ZSWIM2: variants seen among roughly 807,000 people sequenced by gnomAD.
The protein encoded by ZSWIM2 is zinc finger SWIM-type containing 2.
In ZSWIM2, 38 loss-of-function variants were observed where a neutral mutation model predicts 48.4. The observed-to-expected ratio is 0.79, with a 90% CI of 0.61 to 1.03. The LOEUF (loss-of-function observed/expected upper bound fraction) is 1.03. Among genes scored for constraint, ZSWIM2 ranks in the 50% least tolerant of loss-of-function variants. The pLI is 0.00. For missense variants in ZSWIM2, 776 were observed against 730.2 expected (o/e 1.06, Z -0.72); for synonymous variants, 240 against 251.3 (o/e 0.96, Z 0.42).
intron 8 of ZSWIM2, 89 bp from the exon 9 acceptor site, chr2:186,828,879 G>A: frequency 2.5e-6 from 2 of 805,210 alleles, no homozygotes; most frequent in South Asian, 5.2e-5. Context: ...ATAATTTTAT[G>A]ATTAAAAATA....
intron 1 of ZSWIM2, 97 bp downstream of exon 1, chr2:186,848,869 G>A (rs1692050260): frequency 6.6e-7 from 1 of 1,507,180 alleles, no homozygotes; most frequent in South Asian, 1.2e-5. Flanking sequence ...AGTATCCGCA[G>A]AGATTGTGAT....
intron 3 of ZSWIM2, among the ~76,000 whole-genome samples, chr2:186,840,431 G>T (rs1691883503): frequency 6.6e-6 from 1 of 150,764 alleles, no homozygotes; most frequent in Non-Finnish European, 1.5e-5. Flanking sequence ...GACTATGCAG[G>T]AATATTTTGA....
At chr2:186,834,087 T>C in intron 5 of ZSWIM2, 57 bp from the exon 6 acceptor site, 1 of 1,399,644 alleles carries the variant, frequency 7.1e-7, no homozygotes, top group Non-Finnish European at 9.9e-7. Flanking sequence ...ATTGTGATGG[T>C]TTTGGGTGAA....
chr2:186,844,688 A>G (rs533612474), intron 3 of ZSWIM2, 29 bp downstream of exon 3: 6 of 1,536,566 alleles, frequency 3.9e-6, no homozygotes, highest in South Asian at 1.3e-5. Flanking sequence ...TAAAAAAAAA[A>G]CACAAAAAAC....
intron 4 of ZSWIM2, among the ~76,000 whole-genome samples, chr2:186,838,324 A>G (rs1559114128): frequency 6.6e-6 from 1 of 151,056 alleles, no homozygotes; most frequent in Non-Finnish European, 1.5e-5. Context: ...GATGAAAGAA[A>G]TATTATTGTT....
intron 3 of ZSWIM2, among the ~76,000 whole-genome samples, chr2:186,841,226 T>C (rs1344999712): frequency 6.6e-6 from 1 of 151,500 alleles, no homozygotes; most frequent in Non-Finnish European, 1.5e-5. Context: ...TAGATTACTT[T>C]GAACCTTGTA....
chr2:186,844,615 C>G, intron 3 of ZSWIM2, 102 bp downstream of exon 3: 1 of 1,161,692 alleles, frequency 8.6e-7, no homozygotes, highest in Non-Finnish European at 1.2e-6. Context: ...GAAAAGTAAC[C>G]ATCTAAATTT....
chr2:186,830,206 C>T (rs1430955486), intron 7 of ZSWIM2, among the ~76,000 whole-genome samples: 1 of 151,898 alleles, frequency 6.6e-6, no homozygotes, highest in Non-Finnish European at 1.5e-5. Context: ...ATGGCAAAAC[C>T]CCATCTCTAA....
rs1284776182 is a variant in ZSWIM2, at chr2:186,837,409, A to G, written c.640T>C (p.Ser214Pro). 1.2e-6 allele frequency: 2 copies of G among 1,612,972 alleles called. No individual in the cohort carries two copies. Among genetic ancestry groups the G allele is most frequent in the South Asian group, 1.1e-5 (1 of 91,056 alleles). ...TCTGCTGCAGCTACTAGTTTGCTAG[A>G]GTTTTTGAATTCCTCCAAAATCAGT... Reference protein sequence around the residue: ...LKLILEEFKNSSKLVAAAEKE... With the variant: ...LKLILEEFKNPSKLVAAAEKE... Residue 214 changes from serine (S) to proline (P), a missense_variant, in exon 5 of 9, where the codon TCT becomes CCT. Physicochemically the swap from Ser to Pro is moderately conservative, Grantham distance 74 (BLOSUM62 -1). Transcript: ENST00000295131.
intron 3 of ZSWIM2, among the ~76,000 whole-genome samples, chr2:186,839,543 A>T (rs1691865386): frequency 1.3e-5 from 2 of 151,722 alleles, no homozygotes; most frequent in Admixed American, 1.3e-4. Context: ...ATGGGACATG[A>T]ATACATGAGG....
chr2:186,847,180 A>G (rs1692019987), intron 2 of ZSWIM2, among the ~76,000 whole-genome samples: 1 of 152,014 alleles, frequency 6.6e-6, no homozygotes, highest in African/African-American at 2.4e-5. Flanking sequence ...AATAACCTGA[A>G]CTATTTATAA....
At position 186,844,704 on chromosome 2, in the gene ZSWIM2, C is replaced by G. The variant is rs536932473; in HGVS notation, c.283+13G>C. 5 of 1,551,790 alleles carry G rather than the reference C, an allele frequency of 3.2e-6. No individual in the cohort carries two copies. Among genetic ancestry groups the G allele is most frequent in the Non-Finnish European group, 4.3e-6 (5 of 1,156,626 alleles). ...AAAAAAAAAACACAAAAAACCCAAACCCCAAAACTTACATTCATGGTTCCT... is the reference window on the plus strand; with the variant it reads ...AAAAAAAAAACACAAAAAACCCAAAGCCCAAAACTTACATTCATGGTTCCT... On this transcript the variant is annotated intron_variant, in intron 3 of 8. Transcript: ENST00000295131.
rs1053182402 is a variant in ZSWIM2 at position 186,837,845 on chromosome 2, T to G, written c.495-291A>C. On this transcript the variant is annotated intron_variant, in intron 4 of 8. Transcript: ENST00000295131. ...TTTTGCATCATTAAAATATTTTCAT[T>G]TGTAAAGTGAGAATGAATATAGGCT... Among the ~76,000 whole-genome samples, 6 of 150,990 alleles carry G rather than the reference T, an allele frequency of 4.0e-5. No individual in the cohort carries two copies. In the East Asian group the frequency reaches 1.2e-3, roughly 29 times the overall value.
chr2:186,837,458 G>T lies in ZSWIM2; in HGVS notation c.591C>A (p.Cys197Ter). ...GTTTTAATGGTGCAAACTCTTTCCT[G>T]CACAGAGGACATTTCAACATGGAAG... ...SNTSMLKCPL[C>*]RKEFAPLKLI... Residue 197 changes from cysteine to a stop codon, truncating the protein, a stop_gained, in exon 5 of 9, where the codon TGC becomes TGA. Transcript: ENST00000295131. LOFTEE classifies it high-confidence loss of function. The T allele has an allele frequency of 6.2e-7, 1 of 1,612,502 alleles. No homozygotes were observed. Among genetic ancestry groups the T allele is most frequent in the South Asian group, 1.1e-5 (1 of 91,044 alleles).
In ZSWIM2 at chr2:186,828,182, C is replaced by T; in HGVS notation, c.1704G>A (p.Lys568=). The change falls in exon 9 of 9, where the codon AAG becomes AAA. Residue 568 remains lysine (K), a synonymous_variant. Transcript: ENST00000295131. The part of the protein sequence containing the change: ...TPATKIREDN[K]RSTLLPEDFN... ...AATCCTCTGGAAGTAAAGTTGATCT[C>T]TTGTTGTCCTCTCTTATTTTAGTGG... The T allele has an allele frequency of 6.2e-7, 1 of 1,613,522 alleles. No homozygotes were observed. Among genetic ancestry groups the T allele is most frequent in the South Asian group, 1.1e-5 (1 of 91,054 alleles).
chr2:186,828,907 A>G (rs1250513221), intron 8 of ZSWIM2, 117 bp from the exon 9 acceptor site: 3 of 613,372 alleles, frequency 4.9e-6, no homozygotes. Flanking sequence ...AAATTGAAAA[A>G]TAATTATTTA....
In ZSWIM2 at chr2:186,827,911, G is replaced by A. The variant is rs938568110; in HGVS notation, c.*73C>T. The A allele has an allele frequency of 6.4e-6, 8 of 1,248,072 alleles. No homozygotes were observed. The African/African-American group carries it at 1.2e-4, about 19-fold the overall frequency. 77.3% of individuals were successfully genotyped at this position (1,248,072 alleles called of 1,614,324 possible). On this transcript the variant is annotated 3_prime_UTR_variant, in exon 9 of 9. Coordinates refer to ENST00000295131, the MANE Select transcript of ZSWIM2 (RefSeq NM_182521.3). The stretch of plus-strand genomic sequence containing the variant: ...TTTTATATACATTTGTCAAGACTAT[G>A]TGTGCTTTTTATGTTCTATATAAAA...
At position 186,833,081 on chromosome 2, in the gene ZSWIM2, C is replaced by T. The variant is rs745635114; in HGVS notation, c.941+39G>A. 4 of 882,458 alleles carry T rather than the reference C, an allele frequency of 4.5e-6. No homozygotes were observed. The East Asian group carries it at 1.1e-4, about 25-fold the overall frequency. The allele number at this position is 882,458 out of a possible 1,614,324, so 54.7% of individuals were successfully genotyped here. A position where few individuals can be genotyped will look rare whatever the true frequency, so the allele number is the denominator to read the frequency against. ...CAAATTGAGAAGTTATTCAAAGATT[C>T]TGTCATACAACAAATATAAAATTTA... On this transcript the variant is annotated intron_variant, in intron 7 of 8. Transcript: ENST00000295131.
Position 186,839,027 on chromosome 2 carries a change from A to C in ZSWIM2, c.426T>G (p.Asp142Glu). The change falls in exon 4 of 9, where the codon GAT (aspartate) becomes GAG (glutamate). Residue 142 changes from aspartate to glutamate, a missense_variant. Transcript: ENST00000295131. Reference sequence around the variant, plus strand: ...GACAAATAGAGCAGATATCCTCTGAATCAATTTCCTTCTGTTTAATGTACC... The same window carrying C: ...GACAAATAGAGCAGATATCCTCTGACTCAATTTCCTTCTGTTTAATGTACC... ...EDGYIKQKEIDSEDICSICQE... is the reference protein window; with the variant it reads ...EDGYIKQKEIESEDICSICQE... 1 of 1,611,710 alleles carries C rather than the reference A, an allele frequency of 6.2e-7. No homozygotes were observed. The highest frequency in any genetic ancestry group is 8.5e-7 in the Non-Finnish European group (1 of 1,178,348).
Sources: allele counts gnomAD v4.1 joint callset (sites outside exome capture counted in the v4.1 genomes callset), GRCh38; gene constraint gnomAD v4.1.1; transcripts MANE v1.5; gene names NCBI Gene and HGNC (gene_info 2026-07-23, HGNC 2026-07-21).